Variants in KLHL1 observed in about 807,000 individuals in gnomAD.
KLHL1 encodes the protein kelch like family member 1, also known as kelch-like protein 1.
KLHL1 carries 47 observed loss-of-function variants against 77.7 expected under a neutral mutation model. That is an observed-to-expected ratio of 0.60 (90% CI 0.48 to 0.77). KLHL1 has a LOEUF of 0.77. Ranked by LOEUF, KLHL1 falls within the 30% of genes least tolerant of loss-of-function variation. The pLI, the probability that KLHL1 is intolerant of heterozygous loss-of-function variation, is 0.00. For missense variants in KLHL1, 925 were observed against 910.8 expected, an observed-to-expected ratio of 1.02 and a Z score of -0.20; for synonymous variants, 360 against 325.2, an observed-to-expected ratio of 1.11 and a Z score of -1.15.
At chr13:70,013,544 T>C (rs1021791721) in intron 1 of KLHL1, among the ~76,000 whole-genome samples, 1 of 152,220 alleles carries the variant, frequency 6.6e-6, no homozygotes, top group Admixed American at 6.5e-5. Context: ...AGTTGAAGCA[T>C]TGTTCTTTGT....
chr13:69,833,094 GATAA>G (rs1393296535), intron 6 of KLHL1, among the ~76,000 whole-genome samples: 1 of 151,866 alleles, frequency 6.6e-6, no homozygotes, highest in African/African-American at 2.4e-5. Flanking sequence ...CAACAACAAA[GATAA>G]ATAGATAGGC....
At chr13:70,015,006 A>T (rs886410548) in intron 1 of KLHL1, among the ~76,000 whole-genome samples, 1 of 152,102 alleles carries the variant, frequency 6.6e-6, no homozygotes, top group African/African-American at 2.4e-5. Context: ...AAAAATTATT[A>T]AAAATGTAGG....
At chr13:69,980,250 G>T (rs776215808) in intron 1 of KLHL1, among the ~76,000 whole-genome samples, 19 of 152,152 alleles carry the variant, frequency 1.2e-4, no homozygotes, top group Non-Finnish European at 1.3e-4. Context: ...ACTTCTGTAA[G>T]AATAGATTGT....
intron 3 of KLHL1, among the ~76,000 whole-genome samples, chr13:69,946,350 T>G (rs1883524178): frequency 6.6e-6 from 1 of 152,160 alleles, no homozygotes. Context: ...AATAAAGCTT[T>G]AAAAAAGAAT....
At chr13:70,017,257 T>C (rs1593677031) in intron 1 of KLHL1, among the ~76,000 whole-genome samples, 1 of 152,190 alleles carries the variant, frequency 6.6e-6, no homozygotes, top group African/African-American at 2.4e-5. Flanking sequence ...GCTGAGGCCC[T>C]TTGGGAAGCC....
chr13:70,029,350 G>C (rs771249783), intron 1 of KLHL1, among the ~76,000 whole-genome samples: 1 of 152,150 alleles, frequency 6.6e-6, no homozygotes, highest in Non-Finnish European at 1.5e-5. Flanking sequence ...CTAAGCAAAC[G>C]TTGATTCTCC....
At chr13:69,792,268 C>A (rs1182115558) in intron 7 of KLHL1, among the ~76,000 whole-genome samples, 2 of 151,944 alleles carry the variant, frequency 1.3e-5, no homozygotes, top group African/African-American at 4.8e-5. Flanking sequence ...GAAAATATTT[C>A]CATAGAGCTT....
At chr13:70,019,636 C>G (rs1396886613) in intron 1 of KLHL1, among the ~76,000 whole-genome samples, 1 of 152,090 alleles carries the variant, frequency 6.6e-6, no homozygotes, top group East Asian at 1.9e-4. Flanking sequence ...CTCTATTTTA[C>G]AAATGATGAA....
intron 1 of KLHL1, among the ~76,000 whole-genome samples, chr13:70,058,152 G>A (rs890477174): frequency 1.3e-5 from 2 of 152,164 alleles, no homozygotes; most frequent in Admixed American, 6.5e-5. Context: ...CAGAAAAGCT[G>A]AAAGTCTTTC....
At chr13:70,085,729 T>A (rs2137435354) in intron 1 of KLHL1, among the ~76,000 whole-genome samples, 1 of 152,106 alleles carries the variant, frequency 6.6e-6, no homozygotes, top group African/African-American at 2.4e-5. Context: ...CTGGGTGTGG[T>A]GGAAGGCACC....
chr13:69,779,585 A>G (rs568952851), intron 7 of KLHL1, among the ~76,000 whole-genome samples: 1 of 151,956 alleles, frequency 6.6e-6, no homozygotes, highest in African/African-American at 2.4e-5. Flanking sequence ...TTCTAACAGA[A>G]ACTGATAAAA....
At chr13:69,924,254 C>A (rs1447140247) in intron 4 of KLHL1, among the ~76,000 whole-genome samples, 2 of 152,154 alleles carry the variant, frequency 1.3e-5, no homozygotes, top group Non-Finnish European at 2.9e-5. Context: ...TGAAATCCCA[C>A]CTTCAAGCCA....
chr13:69,933,799 A>G (rs1180032385), intron 4 of KLHL1, among the ~76,000 whole-genome samples: 2 of 151,216 alleles, frequency 1.3e-5, no homozygotes, highest in Non-Finnish European at 3.0e-5. Flanking sequence ...GAGAAGGGGG[A>G]AAAAAAAATA....
intron 3 of KLHL1, among the ~76,000 whole-genome samples, chr13:69,959,381 GT>G (rs1356310582): frequency 6.6e-6 from 1 of 151,744 alleles, no homozygotes; most frequent in Non-Finnish European, 1.5e-5. Flanking sequence ...AAACAATAAC[GT>G]AATTATCCTG....
intron 1 of KLHL1, among the ~76,000 whole-genome samples, chr13:70,044,492 T>G (rs1380457048): frequency 6.6e-6 from 1 of 152,128 alleles, no homozygotes; most frequent in African/African-American, 2.4e-5. Flanking sequence ...CAAGTTTACA[T>G]GAAAAAATAC....
At chr13:69,826,184 C>T (rs1406136837) in intron 6 of KLHL1, among the ~76,000 whole-genome samples, 1 of 151,868 alleles carries the variant, frequency 6.6e-6, no homozygotes, top group East Asian at 1.9e-4. Flanking sequence ...GTGGTGAAGA[C>T]TGGAGAAATG....
At chr13:69,967,507 G>A (rs964732972) in intron 2 of KLHL1, among the ~76,000 whole-genome samples, 6 of 152,184 alleles carry the variant, frequency 3.9e-5, no homozygotes, top group African/African-American at 1.4e-4. Context: ...TCTAATAGAT[G>A]AGCAAAGAAA....
At chr13:69,851,695 C>T (rs1197738060) in intron 5 of KLHL1, among the ~76,000 whole-genome samples, 1 of 151,738 alleles carries the variant, frequency 6.6e-6, no homozygotes, top group Non-Finnish European at 1.5e-5. Flanking sequence ...ATATGTCTAG[C>T]ATGCTCCTAT....
chr13:69,719,491 A>C lies in KLHL1; in HGVS notation c.1893T>G (p.Ala631=). The stretch of plus-strand genomic sequence containing the variant: ...CACCCCCTCTCCTCTTACACATGGG[A>C]GCACACATGTTCCACTTATTTGTAT... The part of the protein sequence containing the change: ...DPHTNKWNMC[A]PMCKRRGGVG... The change falls in exon 9 of 11, where the codon GCT becomes GCG. Residue 631 remains alanine (A), a synonymous_variant. Transcript: ENST00000377844. The C allele has an allele frequency of 6.2e-7, 1 of 1,613,208 alleles. No homozygotes were observed. The highest frequency in any genetic ancestry group is 1.1e-5 in the South Asian group (1 of 91,058).
Sources: gnomAD v4.1 joint callset for allele counts (sites outside exome capture counted in the v4.1 genomes callset) on GRCh38, gnomAD v4.1.1 for gene constraint, MANE v1.5 for transcripts, NCBI Gene and HGNC (gene_info 2026-07-23, HGNC 2026-07-21) for gene names.